Variants in MET observed in about 807,000 individuals in gnomAD.
MET encodes hepatocyte growth factor receptor.
In MET, 48 loss-of-function variants were observed where a neutral mutation model predicts 133.1. That is an observed-to-expected ratio of 0.36 (90% CI 0.29 to 0.46). MET has a LOEUF of 0.46. Ranked by LOEUF, MET falls within the 20% of genes least tolerant of loss-of-function variation. MET has a pLI of 1.00. For missense variants in MET, 1,442 were observed against 1,695.9 expected (o/e 0.85, Z 2.63); for synonymous variants, 628 against 616.5 (o/e 1.02, Z -0.28).
rs1584939128 is a variant in MET, at chr7:116,755,385, G to A, written c.1732G>A (p.Gly578Arg). 1 of 1,613,996 alleles carries A rather than the reference G, an allele frequency of 6.2e-7. No homozygotes were observed. The highest frequency in any genetic ancestry group is 8.5e-7 in the Non-Finnish European group (1 of 1,179,986). ...VFPNSAPLEG[G>R]TRLTICGWDF... is the part of the protein sequence containing the mutation. ...CCCAAATAGTGCACCCCTTGAAGGAGGGACAAGGCTGACCATATGTGGCTG... is the reference window on the plus strand; with the variant it reads ...CCCAAATAGTGCACCCCTTGAAGGAAGGACAAGGCTGACCATATGTGGCTG... The change falls in exon 6 of 21, where the codon GGG (glycine) becomes AGG (arginine). Residue 578 changes from glycine (G) to arginine (R), a missense_variant. By Grantham distance (125) the Gly-to-Arg change is moderately radical. Transcript: ENST00000397752.
At chr7:116,695,474 T>C (rs1208853386) in intron 1 of MET, among the ~76,000 whole-genome samples, 2 of 152,152 alleles carry the variant, frequency 1.3e-5, no homozygotes, top group Non-Finnish European at 2.9e-5. Flanking sequence ...AATGGTCACG[T>C]GAGAATATCT....
rs1584878137 is a variant in MET at position 116,700,092 on chromosome 7, C to G, written c.1008C>G (p.Ser336Arg). 1.2e-6 allele frequency: 2 copies of G among 1,611,120 alleles called. No individual in the cohort carries two copies. The highest frequency in any genetic ancestry group is 1.7e-6 in the Non-Finnish European group (2 of 1,178,966). Residue 336 changes from serine (S) to arginine (R), a missense_variant, in exon 2 of 21, where the codon AGC becomes AGG. Physicochemically the swap from Ser to Arg is moderately radical, Grantham distance 110 (BLOSUM62 -1). Coordinates refer to ENST00000397752, the MANE Select transcript of MET (RefSeq NM_000245.4). ...GAQLARQIGA[S>R]LNDDILFGVF... ...AGCTTGCTAGACAAATAGGAGCCAG[C>G]CTGAATGATGACATTCTTTTCGGGG...
chr7:116,792,783 A>G (rs1342637597), intron 19 of MET, among the ~76,000 whole-genome samples: 3 of 152,222 alleles, frequency 2.0e-5, no homozygotes, highest in African/African-American at 4.8e-5. Context: ...ATCTACATGT[A>G]GCGTAGACTG....
At chr7:116,697,243 G>C (rs957364729) in intron 1 of MET, among the ~76,000 whole-genome samples, 1 of 151,854 alleles carries the variant, frequency 6.6e-6, no homozygotes, top group South Asian at 2.1e-4. Context: ...GATATATTAG[G>C]GTATCAAATC....
intron 3 of MET, among the ~76,000 whole-genome samples, chr7:116,733,360 T>C (rs146047396): frequency 6.6e-6 from 1 of 151,994 alleles, no homozygotes; most frequent in Admixed American, 6.6e-5. Flanking sequence ...TTTTTTTTTT[T>C]CAAAATCGTC....
chr7:116,712,619 T>C (rs1485375712), intron 2 of MET, among the ~76,000 whole-genome samples: 1 of 152,152 alleles, frequency 6.6e-6, no homozygotes, highest in Non-Finnish European at 1.5e-5. Flanking sequence ...TTTATAGAAT[T>C]GGGGAGTTTT....
intron 5 of MET, among the ~76,000 whole-genome samples, chr7:116,751,122 C>T (rs199899286): frequency 3.3e-5 from 5 of 152,108 alleles, no homozygotes; most frequent in African/African-American, 9.7e-5. Flanking sequence ...TACATGCACA[C>T]GTATGTTTAT....
Position 116,710,479 on chromosome 7 carries a change from A to T in MET, c.1200+10195A>T, listed in dbSNP as rs189269316. On this transcript the variant is annotated intron_variant, in intron 2 of 20. Coordinates refer to ENST00000397752, the MANE Select transcript of MET (RefSeq NM_000245.4). ...TTTAAAACCAAATGCTTAAGAAAAA[A>T]ACATGAGACATGAGTAGCAATTACA... is the stretch of plus-strand genomic sequence containing the variant. 6.6e-5 allele frequency among the ~76,000 whole-genome samples: 10 copies of T among 152,318 alleles called. No homozygotes were observed. In the South Asian group the frequency reaches 2.1e-3, roughly 32 times the overall value.
chr7:116,682,625 C>G (rs954038473), intron 1 of MET, among the ~76,000 whole-genome samples: 4 of 152,204 alleles, frequency 2.6e-5, no homozygotes, highest in Admixed American at 2.6e-4. Flanking sequence ...TGCCTACTGA[C>G]AGTGAAGACG....
intron 5 of MET, among the ~76,000 whole-genome samples, chr7:116,751,143 C>T (rs961703436): frequency 1.2e-4 from 18 of 152,136 alleles, no homozygotes; most frequent in Non-Finnish European, 2.6e-4. Context: ...TGCAGCACTA[C>T]TCACAATAGC....
At chr7:116,712,669 TACTC>T (rs974560320) in intron 2 of MET, among the ~76,000 whole-genome samples, 1 of 152,104 alleles carries the variant, frequency 6.6e-6, no homozygotes, top group African/African-American at 2.4e-5. Context: ...TGGGGAGTTT[TACTC>T]ACTATTACCT....
intron 17 of MET, 117 bp downstream of exon 17, chr7:116,779,074 G>A (rs575629314): frequency 3.9e-6 from 4 of 1,038,596 alleles, no homozygotes; most frequent in South Asian, 2.8e-5. Context: ...CATTTAAAAT[G>A]TTAGCATCAT....
In MET at chr7:116,795,986, T is replaced by A; in HGVS notation, c.4035T>A (p.Ile1345=). The change falls in exon 21 of 21, where the codon ATT becomes ATA. Residue 1345 remains isoleucine (I), a synonymous_variant. Coordinates refer to ENST00000397752, the MANE Select transcript of MET (RefSeq NM_000245.4). The stretch of plus-strand genomic sequence containing the variant: ...TATCAGCGATCTTCTCTACTTTCAT[T>A]GGGGAGCACTATGTCCATGTGAACG... ...SRISAIFSTF[I]GEHYVHVNAT... is the part of the protein sequence containing the mutation. 1 of 1,614,128 alleles carries A rather than the reference T, an allele frequency of 6.2e-7. No homozygotes were observed. The highest frequency in any genetic ancestry group is 8.5e-7 in the Non-Finnish European group (1 of 1,179,980).
In MET at chr7:116,758,520, G is replaced by A. The variant is rs2116931102; in HGVS notation, c.2164G>A (p.Val722Ile). 6.2e-7 allele frequency: 1 copy of A among 1,613,880 alleles called. No homozygotes were observed. Among genetic ancestry groups the A allele is most frequent in the Non-Finnish European group, 8.5e-7 (1 of 1,179,868 alleles). The part of the protein sequence containing the change: ...PAQTISTEFA[V>I]KLKIDLANRE... ...CCAAACCATTTCAACTGAGTTTGCT[G>A]TTAAATTGAAAATTGACTTAGCCAA... Residue 722 changes from valine (V) to isoleucine (I), a missense_variant, in exon 9 of 21, where the codon GTT becomes ATT. This residue lies in a region of MET where 514 missense variants were observed against 659.6 expected (regional missense o/e 0.78). Transcript: ENST00000397752.
intron 2 of MET, among the ~76,000 whole-genome samples, chr7:116,704,395 T>C (rs557948939): frequency 6.6e-6 from 1 of 152,094 alleles, no homozygotes; most frequent in Admixed American, 6.6e-5. Flanking sequence ...TGCAGGACTA[T>C]AGTGTGGACA....
At chr7:116,702,295 A>G (rs1791613170) in intron 2 of MET, among the ~76,000 whole-genome samples, 1 of 152,184 alleles carries the variant, frequency 6.6e-6, no homozygotes, top group Non-Finnish European at 1.5e-5. Context: ...GCCAAATTCC[A>G]TAGACAAATA....
intron 14 of MET, among the ~76,000 whole-genome samples, chr7:116,773,609 G>T (rs1261381978): frequency 6.6e-6 from 1 of 152,148 alleles, no homozygotes; most frequent in African/African-American, 2.4e-5. Context: ...TGACTCCTTG[G>T]AATTAAGGGA....
At chr7:116,760,608 T>A (rs1238589856) in intron 10 of MET, among the ~76,000 whole-genome samples, 1 of 152,196 alleles carries the variant, frequency 6.6e-6, no homozygotes, top group Admixed American at 6.5e-5. Flanking sequence ...CAGCACTTCC[T>A]TTTAGATTCT....
rs1396083482 is a variant in MET, at chr7:116,699,731, T to C, written c.647T>C (p.Val216Ala). The C allele has an allele frequency of 1.2e-6, 2 of 1,614,106 alleles. No individual in the cohort carries two copies. The highest frequency in any genetic ancestry group is 1.7e-6 in the Non-Finnish European group (2 of 1,179,982). ...GATCATCCATTGCATTCGATATCAGTGAGAAGGCTAAAGGAAACGAAAGAT... is the reference window on the plus strand; with the variant it reads ...GATCATCCATTGCATTCGATATCAGCGAGAAGGCTAAAGGAAACGAAAGAT... ...FPDHPLHSIS[V>A]RRLKETKDGF... Residue 216 changes from valine (V) to alanine (A), a missense_variant, in exon 2 of 21, where the codon GTG becomes GCG. Physicochemically the swap from Val to Ala is moderately conservative, Grantham distance 64. This residue lies in a region of MET where 762 missense variants were observed against 792.4 expected (regional missense o/e 0.96). Transcript: ENST00000397752.
Sources: allele counts gnomAD v4.1 joint callset (sites outside exome capture counted in the v4.1 genomes callset), GRCh38; gene constraint gnomAD v4.1.1; regional missense constraint gnomAD v4.1.1; transcripts MANE v1.5; gene names NCBI Gene and HGNC (gene_info 2026-07-23, HGNC 2026-07-21).